Variants in SMAD7 observed in about 807,000 individuals in gnomAD.
The protein encoded by SMAD7 is MAD (mothers against decapentaplegic, Drosophila) homolog 7.
A neutral mutation model predicts 38.7 loss-of-function variants in SMAD7; 8 were observed. The ratio of observed to expected loss-of-function variants is 0.21; its 90% CI spans 0.12 to 0.37. The LOEUF (loss-of-function observed/expected upper bound fraction) is 0.37, where lower values mean the gene tolerates loss of function less well. SMAD7 is among the 10% of genes least tolerant of loss of function. The pLI, the probability that SMAD7 is intolerant of heterozygous loss-of-function variation, is 1.00. For synonymous variants in SMAD7, 327 were observed against 265.1 expected (o/e 1.23, Z -2.27); for missense variants, 477 against 577.9 (o/e 0.83, Z 1.79).
chr18:48,950,252 G>T lies in SMAD7; in HGVS notation c.173C>A (p.Ala58Asp). The T allele has an allele frequency of 6.6e-7, 1 of 1,516,996 alleles. No homozygotes were observed. 94.0% of individuals were successfully genotyped at this position (1,516,996 alleles called of 1,614,324 possible). The change falls in exon 1 of 4, where the codon GCT becomes GAT. Residue 58 changes from alanine (A) to aspartate (D), a missense_variant. Ala to Asp is a moderately radical substitution (Grantham distance 126). This residue lies in a region of SMAD7 where 376 missense variants were observed against 379.4 expected (regional missense o/e 0.99). Transcript: ENST00000262158. ...CACCGCCTTGCCCAGGCAGCATCCA[G>T]CCCTGCCCGGGCCGCCGCCACCGGC... ...HGAGGGGPGR[A>D]GCCLGKAVRG...
chr18:48,922,983 G>A (rs1029268094), intron 3 of SMAD7, among the ~76,000 whole-genome samples: 2 of 152,288 alleles, frequency 1.3e-5, no homozygotes, highest in South Asian at 2.1e-4. Flanking sequence ...GAGCCCCGGC[G>A]GCGGGCATTC....
chr18:48,950,522 A>T lies in SMAD7; in HGVS notation c.-98T>A. The T allele has an allele frequency of 8.1e-7, 1 of 1,235,434 alleles. No individual in the cohort carries two copies. Among genetic ancestry groups the T allele is most frequent in the Non-Finnish European group, 1.1e-6 (1 of 924,222 alleles). 76.5% of individuals were successfully genotyped at this position (1,235,434 alleles called of 1,614,324 possible). The stretch of plus-strand genomic sequence containing the variant: ...AAGTCGGGCGCCGAGTTGGGGCAGC[A>T]GGCGCAGGCGACAGCAGCAGCAGCA... On this transcript the variant is annotated 5_prime_UTR_variant, in exon 1 of 4. Transcript: ENST00000262158.
chr18:48,932,544 C>T (rs2070014701), intron 3 of SMAD7, among the ~76,000 whole-genome samples: 2 of 152,170 alleles, frequency 1.3e-5, no homozygotes, highest in Admixed American at 1.3e-4. Flanking sequence ...GCAGCTCTCC[C>T]CGCCTTTTCT....
intron 3 of SMAD7, among the ~76,000 whole-genome samples, chr18:48,935,627 A>G (rs960285369): frequency 6.6e-6 from 1 of 152,016 alleles, no homozygotes; most frequent in African/African-American, 2.4e-5. Flanking sequence ...GGCCAGGGGG[A>G]CCCCGCAGAG....
At chr18:48,924,275 C>A (rs1374312115) in intron 3 of SMAD7, among the ~76,000 whole-genome samples, 1 of 152,136 alleles carries the variant, frequency 6.6e-6, no homozygotes, top group Non-Finnish European at 1.5e-5. Context: ...TTTCATGCAG[C>A]CAGGACCCAC....
chr18:48,930,440 G>C (rs947620192), intron 3 of SMAD7, among the ~76,000 whole-genome samples: 14 of 152,100 alleles, frequency 9.2e-5, no homozygotes, highest in Non-Finnish European at 1.5e-4. Context: ...CCCCCACCCA[G>C]AAGCTGCTGT....
At chr18:48,942,767 G>A in intron 2 of SMAD7, 3 of 1,410,078 alleles carry the variant, frequency 2.1e-6, no homozygotes, top group Non-Finnish European at 1.8e-6. Context: ...TGGGCTCCGG[G>A]CAGCCAGTTA....
At chr18:48,942,862 C>A in intron 2 of SMAD7, 1 of 1,090,364 alleles carries the variant, frequency 9.2e-7, no homozygotes, top group Non-Finnish European at 1.1e-6. Flanking sequence ...AGGTGGTTCC[C>A]AAGGTCAAAG....
At chr18:48,949,480 C>T in intron 1 of SMAD7, 1 of 185,954 alleles carries the variant, frequency 5.4e-6, no homozygotes, top group African/African-American at 2.3e-5. Context: ...CCCTCTGCAC[C>T]CCCTTGTTGA....
At position 48,949,840 on chromosome 18, in the gene SMAD7, G is replaced by C; in HGVS notation, c.585C>G (p.Pro195=). The C allele has an allele frequency of 1.2e-6, 2 of 1,612,276 alleles. No homozygotes were observed. The highest frequency in any genetic ancestry group is 1.1e-5 in the South Asian group (1 of 90,854). Residue 195 remains proline (P), a synonymous_variant, in exon 1 of 4, where the codon CCC becomes CCG. Coordinates refer to ENST00000262158, the MANE Select transcript of SMAD7 (RefSeq NM_005904.4). The part of the protein sequence containing the change: ...KINPELVCCN[P]HHLSRLCELE... ...GTTCGCAGAGTCGGCTAAGGTGATG[G>C]GGGTTGCAGCACACCAGCTCGGGGT...
Position 48,942,463 on chromosome 18 carries a change from T to C in SMAD7, c.742+18A>G, listed in dbSNP as rs1437422657. On this transcript the variant is annotated intron_variant, in intron 3 of 3. Transcript: ENST00000262158. ...AAAAAGGTTGGAATTGCCAGGAAAA[T>C]AAGAGAAAGCATCTTACCTGAAAGC... 1.6e-5 allele frequency: 24 copies of C among 1,530,016 alleles called. No homozygotes were observed. The highest frequency in any genetic ancestry group is 2.1e-5 in the Non-Finnish European group (24 of 1,133,664). The allele number at this position is 1,530,016 out of a possible 1,614,324, so 94.8% of individuals were successfully genotyped here. A position where few individuals can be genotyped will look rare whatever the true frequency, so the allele number is the denominator to read the frequency against.
chr18:48,932,971 C>CTAG (rs2070020474), intron 3 of SMAD7, among the ~76,000 whole-genome samples: 1 of 152,130 alleles, frequency 6.6e-6, no homozygotes, highest in South Asian at 2.1e-4. Flanking sequence ...ACTGAGGAGC[C>CTAG]TGGCGCTAGG....
chr18:48,943,119 T>A (rs1390675360), intron 2 of SMAD7, among the ~76,000 whole-genome samples: 2 of 152,224 alleles, frequency 1.3e-5, no homozygotes, highest in African/African-American at 4.8e-5. Context: ...ATGTTACTCA[T>A]GTATACATCT....
At chr18:48,939,521 G>A (rs921522257) in intron 3 of SMAD7, among the ~76,000 whole-genome samples, 3 of 151,912 alleles carry the variant, frequency 2.0e-5, no homozygotes, top group Non-Finnish European at 4.4e-5. Context: ...CAGCCTTGGA[G>A]TCACCCCTGC....
At chr18:48,946,383 C>T (rs1221631854) in intron 2 of SMAD7, among the ~76,000 whole-genome samples, 1 of 150,472 alleles carries the variant, frequency 6.6e-6, no homozygotes, top group Admixed American at 6.6e-5. Context: ...CCTCAATGCC[C>T]CCGGCCACAG....
intron 2 of SMAD7, chr18:48,942,768 C>T: frequency 7.1e-7 from 1 of 1,409,874 alleles, no homozygotes; most frequent in Non-Finnish European, 9.2e-7. Context: ...GGGCTCCGGG[C>T]AGCCAGTTAA....
intron 3 of SMAD7, among the ~76,000 whole-genome samples, chr18:48,941,749 T>A (rs1254491054): frequency 6.6e-6 from 1 of 152,178 alleles, no homozygotes; most frequent in Non-Finnish European, 1.5e-5. Context: ...ACATAACCAG[T>A]GAGTTTCTCT....
intron 2 of SMAD7, 137 bp downstream of exon 2, chr18:48,948,247 C>T: frequency 1.6e-5 from 9 of 549,466 alleles, no homozygotes; most frequent in Non-Finnish European, 2.9e-5. Context: ...ATTCACCAAA[C>T]TTCCAACAGA....
chr18:48,939,841 C>G (rs2070116502), intron 3 of SMAD7, among the ~76,000 whole-genome samples: 1 of 151,626 alleles, frequency 6.6e-6, no homozygotes, highest in South Asian at 2.1e-4. Context: ...CTCCCACCCC[C>G]CAACCTCAGT....
Sources: allele counts gnomAD v4.1 joint callset (sites outside exome capture counted in the v4.1 genomes callset), GRCh38; gene constraint gnomAD v4.1.1; regional missense constraint gnomAD v4.1.1; transcripts MANE v1.5; gene names NCBI Gene and HGNC (gene_info 2026-07-23, HGNC 2026-07-21).